Variants in BLTP2 observed in about 807,000 individuals in gnomAD.
BLTP2 encodes U937-associated antigen.
At chr17:28,640,760 T>C in the BLTP2 span, 3 of 1,411,588 alleles carry the variant, frequency 2.1e-6, no homozygotes, top group African/African-American at 2.8e-5. Flanking sequence ...CTGGCCTCTA[T>C]GGTCAAATCC....
At chr17:28,632,835 C>T in the BLTP2 span, 8 of 806,490 alleles carry the variant, frequency 9.9e-6, no homozygotes, top group Non-Finnish European at 1.3e-5. Context: ...TTCTCCCTTG[C>T]CCTTCTCCCC....
the BLTP2 span, chr17:28,618,683 TC>T: frequency 1.2e-6 from 1 of 819,626 alleles, no homozygotes; most frequent in South Asian, 1.8e-5. Flanking sequence ...TCATTAATAA[TC>T]ATACAATAAT....
the BLTP2 span, chr17:28,616,448 A>G: frequency 1.2e-6 from 2 of 1,614,186 alleles, no homozygotes; most frequent in East Asian, 2.2e-5. This position sits in a 1 kb window ranked among gnomAD's most constrained non-coding sequence, Gnocchi z 4.8. Flanking sequence ...CACCCTTCCC[A>G]GGGCCCAGTG....
At chr17:28,625,334 C>CAAAAAAAAAAAAAAAAAAAAAAAAAA in the BLTP2 span, among the ~76,000 whole-genome samples, 3 of 29,050 alleles carry the variant, frequency 1.0e-4, no homozygotes, top group Non-Finnish European at 1.3e-4. Flanking sequence ...GACTCCGTCT[C>CAAAAAAAAAAAAAAAAAAAAAAAAAA]AAAAAAAAAA....
chr17:28,644,230 G>A, the BLTP2 span: 3 of 1,600,798 alleles, frequency 1.9e-6, no homozygotes, highest in Non-Finnish European at 2.6e-6. Flanking sequence ...TTTTTCCAAT[G>A]ATGGTTTCCC....
chr17:28,619,288 AAAAAG>A, the BLTP2 span, among the ~76,000 whole-genome samples: 1 of 152,128 alleles, frequency 6.6e-6, no homozygotes, highest in Admixed American at 6.5e-5. Flanking sequence ...CATTAAAAAA[AAAAAG>A]ATATTTTCAG....
chr17:28,641,225 CACTT>C, the BLTP2 span, among the ~76,000 whole-genome samples: 1 of 152,218 alleles, frequency 6.6e-6, no homozygotes, highest in African/African-American at 2.4e-5. Flanking sequence ...TTTCCATCCA[CACTT>C]GCTTGTGGAT....
the BLTP2 span, chr17:28,620,889 T>C: frequency 8.5e-7 from 1 of 1,177,640 alleles, no homozygotes; most frequent in Non-Finnish European, 1.2e-6. Flanking sequence ...CAGTGCACAG[T>C]GGATTTTTAA....
the BLTP2 span, chr17:28,616,287 T>C: frequency 6.2e-7 from 1 of 1,602,912 alleles, no homozygotes; most frequent in South Asian, 1.1e-5. This position sits in a 1 kb window ranked among gnomAD's most constrained non-coding sequence, Gnocchi z 4.8. Context: ...ATCCCTAGAA[T>C]GGACTTAGAG....
the BLTP2 span, chr17:28,638,658 ACAT>A: frequency 6.9e-7 from 1 of 1,445,540 alleles, no homozygotes; most frequent in Non-Finnish European, 9.6e-7. Context: ...TAGGAACAAG[ACAT>A]CATTGTTTGG....
the BLTP2 span, among the ~76,000 whole-genome samples, chr17:28,617,804 G>C: frequency 1.3e-5 from 2 of 152,042 alleles, no homozygotes; most frequent in Non-Finnish European, 2.9e-5. Flanking sequence ...CTGTTGCCCA[G>C]GCTGAAGTGC....
the BLTP2 span, chr17:28,634,021 C>T: frequency 1.2e-6 from 2 of 1,614,162 alleles, no homozygotes; most frequent in Non-Finnish European, 1.7e-6. Context: ...TCGGTGCCCA[C>T]AAGTCGACCC....
the BLTP2 span, chr17:28,643,060 GGGCAGC>G: frequency 6.5e-7 from 1 of 1,533,660 alleles, no homozygotes; most frequent in South Asian, 1.1e-5. Flanking sequence ...TGAGAAAGAG[GGGCAGC>G]TCTTAGCATT....
the BLTP2 span, chr17:28,616,329 A>G: frequency 6.2e-7 from 1 of 1,613,352 alleles, no homozygotes; most frequent in Non-Finnish European, 8.5e-7. This position sits in a 1 kb window ranked among gnomAD's most constrained non-coding sequence, Gnocchi z 4.8. Context: ...CACACCAAAC[A>G]GGACCTCAAG....
chr17:28,643,719 G>T, the BLTP2 span: 1 of 1,473,108 alleles, frequency 6.8e-7, no homozygotes, highest in South Asian at 1.1e-5. Flanking sequence ...CGAGCAGCTT[G>T]ACAAGCCAGG....
chr17:28,637,643 A>G, the BLTP2 span, among the ~76,000 whole-genome samples: 1 of 152,210 alleles, frequency 6.6e-6, no homozygotes, highest in Admixed American at 6.5e-5. Flanking sequence ...AAGGTTACAC[A>G]CTACACACTT....
chr17:28,631,842 C>A, the BLTP2 span: 5 of 1,613,972 alleles, frequency 3.1e-6, no homozygotes, highest in Non-Finnish European at 4.2e-6. Flanking sequence ...GCCGCTGAGT[C>A]CCCCGAGTGA....
chr17:28,617,861 T>A, the BLTP2 span, among the ~76,000 whole-genome samples: 3 of 151,772 alleles, frequency 2.0e-5, no homozygotes. Context: ...CTTCCTGGGT[T>A]CAAGCGATTC....
chr17:28,623,872 C>T, the BLTP2 span: 15 of 1,614,082 alleles, frequency 9.3e-6, no homozygotes, highest in Admixed American at 8.3e-5. Context: ...CAATGTATCA[C>T]CATACCAGGC....
Sources: allele counts gnomAD v4.1 joint callset (sites outside exome capture counted in the v4.1 genomes callset), GRCh38; gene constraint gnomAD v4.1.1; non-coding constraint Gnocchi (gnomAD v3.1); transcripts MANE v1.5; gene names NCBI Gene and HGNC (gene_info 2026-07-23, HGNC 2026-07-21).